ARHGEF12: variants seen among roughly 807,000 people sequenced by gnomAD.
The protein encoded by ARHGEF12 is KMT2A/ARHGEF12 fusion protein.
In ARHGEF12, 66 loss-of-function variants were observed where a neutral mutation model predicts 211.2. That is an observed-to-expected ratio of 0.31 (90% CI 0.26 to 0.38). ARHGEF12 has a LOEUF of 0.38. Among genes scored for constraint, ARHGEF12 ranks in the 10% least tolerant of loss-of-function variants. The probability of loss-of-function intolerance (pLI) is 1.00; values close to 1 mark genes in which losing one functional copy is unlikely to be tolerated. For synonymous variants in ARHGEF12, 592 were observed against 638.4 expected (o/e 0.93, Z 1.09); for missense variants, 1,429 against 1,869.5 (o/e 0.76, Z 4.34).
chr11:120,380,820 C>T (rs940956077), intron 1 of ARHGEF12, among the ~76,000 whole-genome samples: 2 of 152,264 alleles, frequency 1.3e-5, no homozygotes, highest in Non-Finnish European at 2.9e-5. Context: ...TCTGTTTATT[C>T]AGTCATTTAT....
chr11:120,339,761 C>G (rs1942473969), intron 1 of ARHGEF12, among the ~76,000 whole-genome samples: 1 of 152,102 alleles, frequency 6.6e-6, no homozygotes, highest in African/African-American at 2.4e-5. Context: ...GGGTTTTATT[C>G]TTGTGTTAGG....
intron 39 of ARHGEF12, among the ~76,000 whole-genome samples, chr11:120,483,796 A>G (rs1328096532): frequency 1.3e-5 from 2 of 151,986 alleles, no homozygotes; most frequent in African/African-American, 2.4e-5. Flanking sequence ...TTTTATTTTT[A>G]GTAGAGACGG....
intron 1 of ARHGEF12, among the ~76,000 whole-genome samples, chr11:120,376,054 TTGA>T (rs2135429727): frequency 6.6e-6 from 1 of 152,282 alleles, no homozygotes; most frequent in African/African-American, 2.4e-5. Context: ...TATGTGACTA[TTGA>T]TGATGACCTT....
intron 1 of ARHGEF12, among the ~76,000 whole-genome samples, chr11:120,373,871 G>A (rs1288762087): frequency 2.6e-5 from 4 of 152,242 alleles, no homozygotes; most frequent in East Asian, 1.9e-4. Context: ...GCAATGGCGC[G>A]ATCTCGGCTC....
chr11:120,447,917 T>C lies in ARHGEF12; in HGVS notation c.1622+11T>C, dbSNP rs1311503902. 1 of 1,557,892 alleles carries C rather than the reference T, an allele frequency of 6.4e-7. No individual in the cohort carries two copies. The highest frequency in any genetic ancestry group is 8.6e-7 in the Non-Finnish European group (1 of 1,157,536). ...AGAGGAAGATAAGAGGTAACATAAC[T>C]GTTTTTTTTCCCCTAGAATTTTAAG... is the stretch of plus-strand genomic sequence containing the variant. On this transcript the variant is annotated intron_variant, in intron 19 of 40. Coordinates refer to ENST00000397843, the MANE Select transcript of ARHGEF12 (RefSeq NM_015313.3).
chr11:120,410,196 C>T (rs765554467), intron 4 of ARHGEF12: 4 of 151,976 alleles, frequency 2.6e-5, no homozygotes, highest in African/African-American at 7.2e-5. Context: ...GATACAATAA[C>T]CATGTTTGTG....
intron 1 of ARHGEF12, among the ~76,000 whole-genome samples, chr11:120,361,659 A>G (rs1266448767): frequency 6.6e-6 from 1 of 152,238 alleles, no homozygotes; most frequent in East Asian, 1.9e-4. Context: ...AGTTTTTCAG[A>G]GGAATCCTTA....
At chr11:120,395,446 C>T (rs549321088) in intron 1 of ARHGEF12, among the ~76,000 whole-genome samples, 15 of 152,268 alleles carry the variant, frequency 9.9e-5, no homozygotes, top group Admixed American at 9.8e-4. Flanking sequence ...AGTATGAACT[C>T]ATGCTGAGCT....
intron 1 of ARHGEF12, among the ~76,000 whole-genome samples, chr11:120,375,203 G>T (rs894711333): frequency 6.6e-6 from 1 of 152,130 alleles, no homozygotes; most frequent in African/African-American, 2.4e-5. Context: ...CATGGAAACT[G>T]TGAACATTCA....
rs545783967 is a variant in ARHGEF12, at chr11:120,444,540, T to C, written c.1303-882T>C. Among the ~76,000 whole-genome samples the C allele has an allele frequency of 1.4e-4, 22 of 152,342 alleles. No individual in the cohort carries two copies. In the South Asian group the frequency reaches 4.3e-3, roughly 30 times the overall value. ...AAAGTTTTAAAATCCATTTTACTTT[T>C]CTTCAAATGAATATAAAGAGATCTT... On this transcript the variant is annotated intron_variant, in intron 15 of 40. Transcript: ENST00000397843.
At chr11:120,350,303 C>T (rs966919119) in intron 1 of ARHGEF12, among the ~76,000 whole-genome samples, 2 of 152,058 alleles carry the variant, frequency 1.3e-5, no homozygotes, top group Admixed American at 6.6e-5. Context: ...ATCATGAGGT[C>T]AGGAGATCGA....
At chr11:120,415,722 C>T (rs562176575) in intron 4 of ARHGEF12, among the ~76,000 whole-genome samples, 3 of 152,240 alleles carry the variant, frequency 2.0e-5, no homozygotes, top group Admixed American at 6.5e-5. Context: ...AGGATGGCTT[C>T]GTTTTCAGTT....
At chr11:120,453,023 A>AC (rs1306378717) in intron 22 of ARHGEF12, among the ~76,000 whole-genome samples, 1 of 151,936 alleles carries the variant, frequency 6.6e-6, no homozygotes, top group Non-Finnish European at 1.5e-5. Flanking sequence ...AAAAACAAAA[A>AC]AAAACGACAA....
In ARHGEF12 at chr11:120,478,338, T is replaced by A; in HGVS notation, c.3715T>A (p.Ser1239Thr). The part of the protein sequence containing the change: ...GEDYQIAIPD[S>T]HLPVSEERWA... ...AGATTATCAAATCGCAATCCCAGAT[T>A]CACACCTGCCTGTCTCAGAAGAACG... The change falls in exon 37 of 41, where the codon TCA (serine) becomes ACA (threonine). Residue 1239 changes from serine (S) to threonine (T), a missense_variant. Physicochemically the swap from Ser to Thr is moderately conservative, Grantham distance 58. This residue lies in a region of ARHGEF12 where 467 missense variants were observed against 468.4 expected (regional missense o/e 1.00). Transcript: ENST00000397843. The A allele has an allele frequency of 6.2e-7, 1 of 1,614,180 alleles. No individual in the cohort carries two copies. Among genetic ancestry groups the A allele is most frequent in the Non-Finnish European group, 8.5e-7 (1 of 1,180,018 alleles).
intron 1 of ARHGEF12, chr11:120,337,776 T>G: frequency 1.0e-6 from 1 of 985,462 alleles, no homozygotes; most frequent in Non-Finnish European, 1.2e-6. Flanking sequence ...TGCACGGTGT[T>G]TAATTATTAT....
At chr11:120,401,648 T>C (rs1046420906) in intron 1 of ARHGEF12, among the ~76,000 whole-genome samples, 5 of 152,152 alleles carry the variant, frequency 3.3e-5, no homozygotes, top group African/African-American at 1.2e-4. Flanking sequence ...GCAGGTATGG[T>C]CAACACAATT....
chr11:120,475,261 T>G (rs1946994434), intron 32 of ARHGEF12, 79 bp from the exon 33 acceptor site: 1 of 1,299,720 alleles, frequency 7.7e-7, no homozygotes, highest in Admixed American at 2.2e-5. Context: ...ATAGAATTCC[T>G]CTGTTGAATC....
At position 120,486,846 on chromosome 11, in the gene ARHGEF12, A is replaced by G. The variant is rs749806618; in HGVS notation, c.*1769A>G. 4.6e-6 allele frequency: 1 copy of G among 215,094 alleles called. No individual in the cohort carries two copies. The highest frequency in any genetic ancestry group is 9.4e-6 in the Non-Finnish European group (1 of 106,596). 13.3% of individuals were successfully genotyped at this position (215,094 alleles called of 1,614,324 possible). On this transcript the variant is annotated 3_prime_UTR_variant, in exon 41 of 41. Coordinates refer to ENST00000397843, the MANE Select transcript of ARHGEF12 (RefSeq NM_015313.3). ...TTGATCTGTGTTTTTAGGTGGATCA[A>G]CTTGGATCTTTAGACCTCATCTATA... is the stretch of plus-strand genomic sequence containing the variant.
chr11:120,339,603 C>T (rs1942468265), intron 1 of ARHGEF12, among the ~76,000 whole-genome samples: 2 of 152,168 alleles, frequency 1.3e-5, no homozygotes, highest in Non-Finnish European at 2.9e-5. Context: ...TGCAGAACCA[C>T]CAGGCCAGCT....
Sources: gnomAD v4.1 joint callset for allele counts (sites outside exome capture counted in the v4.1 genomes callset) on GRCh38, gnomAD v4.1.1 for gene constraint, gnomAD v4.1.1 regional missense constraint, MANE v1.5 for transcripts, NCBI Gene and HGNC (gene_info 2026-07-23, HGNC 2026-07-21) for gene names.